The following PDE3B variants were observed in gnomAD, a reference collection of about 807,000 sequenced individuals.
The protein encoded by PDE3B is cGMP-inhibited 3',5'-cyclic phosphodiesterase 3B.
Under a neutral mutation model 116.8 loss-of-function variants are expected in PDE3B, and 66 were observed. The ratio of observed to expected loss-of-function variants is 0.56; its 90% CI spans 0.46 to 0.69. The LOEUF (loss-of-function observed/expected upper bound fraction) is 0.69. Ranked by LOEUF, PDE3B falls within the 30% of genes least tolerant of loss-of-function variation. The pLI is 0.00. For synonymous variants in PDE3B, 595 were observed against 533.6 expected (o/e 1.12, Z -1.59); for missense variants, 1,384 against 1,368.1 (o/e 1.01, Z -0.18).
intron 1 of PDE3B, among the ~76,000 whole-genome samples, chr11:14,713,578 T>C (rs1855770534): frequency 6.6e-6 from 1 of 152,208 alleles, no homozygotes; most frequent in South Asian, 2.1e-4. Flanking sequence ...TGGTTCTTAA[T>C]GCTTCAGACT....
chr11:14,875,742 GAATGA>G (rs781831509), downstream of PDE3B, among the ~76,000 whole-genome samples: 1 of 152,132 alleles, frequency 6.6e-6, no homozygotes, highest in Non-Finnish European at 1.5e-5. Context: ...AAGGAATATG[GAATGA>G]AATAAGGCAT....
intron 1 of PDE3B, chr11:14,674,344 T>C: frequency 2.4e-6 from 2 of 816,774 alleles, no homozygotes; most frequent in South Asian, 2.7e-5. Flanking sequence ...TTATTCTTTC[T>C]GCAAATTAGT....
At chr11:14,879,564 G>T in the PDE3B span, 1 of 691,758 alleles carries the variant, frequency 1.4e-6, no homozygotes, top group Non-Finnish European at 2.5e-6. Flanking sequence ...GATACATCCA[G>T]ATTCAGATTT....
chr11:14,726,889 A>G (rs930703814), intron 1 of PDE3B, among the ~76,000 whole-genome samples: 1 of 152,130 alleles, frequency 6.6e-6, no homozygotes, highest in African/African-American at 2.4e-5. Context: ...AAGAACAGAG[A>G]ATTGAATGAT....
At chr11:14,798,305 T>C (rs1858623822) in intron 4 of PDE3B, among the ~76,000 whole-genome samples, 1 of 152,168 alleles carries the variant, frequency 6.6e-6, no homozygotes, top group Non-Finnish European at 1.5e-5. Context: ...TGGGTAAGCT[T>C]TTTGATGTGC....
At chr11:14,759,081 C>T (rs1181178917) in intron 1 of PDE3B, among the ~76,000 whole-genome samples, 3 of 151,912 alleles carry the variant, frequency 2.0e-5, no homozygotes, top group East Asian at 1.9e-4. Context: ...TATTGATTTG[C>T]GTATATTGAA....
intron 3 of PDE3B, 69 bp from the exon 4 acceptor site, chr11:14,789,037 C>T: frequency 9.7e-7 from 1 of 1,036,122 alleles, no homozygotes; most frequent in South Asian, 1.7e-5. Flanking sequence ...TTTCATGTGC[C>T]ATCACTAATA....
chr11:14,666,354 G>T (rs559137019), intron 1 of PDE3B, among the ~76,000 whole-genome samples: 1 of 151,208 alleles, frequency 6.6e-6, no homozygotes, highest in African/African-American at 2.4e-5. Flanking sequence ...AGGCATTACC[G>T]TTCAGGACAT....
chr11:14,691,455 A>T (rs888044002), intron 1 of PDE3B, among the ~76,000 whole-genome samples: 2 of 152,212 alleles, frequency 1.3e-5, no homozygotes, highest in Admixed American at 6.5e-5. Context: ...CTAGTAAGTT[A>T]TGTAAACTAA....
rs755070440 is a variant in PDE3B at position 14,807,952 on chromosome 11, C to T, written c.1522+3902C>T. On this transcript the variant is annotated intron_variant, in intron 5 of 15. Coordinates refer to ENST00000282096, the MANE Select transcript of PDE3B (RefSeq NM_000922.4). ...GTGGGCGCCTGTAATCCCAGCTACT[C>T]GGGAGGTTGAGGCACGAGAATCGCT... 2.9e-4 allele frequency among the ~76,000 whole-genome samples: 44 copies of T among 151,216 alleles called. 1 individual carries two copies. Among genetic ancestry groups the T allele is most frequent in the South Asian group, 6.3e-4 (3 of 4,786 alleles).
intron 5 of PDE3B, among the ~76,000 whole-genome samples, chr11:14,811,908 G>A (rs945769478): frequency 1.3e-5 from 2 of 152,152 alleles, no homozygotes; most frequent in African/African-American, 4.8e-5. Flanking sequence ...AAGCAATTGT[G>A]AATGGGAGTT....
intron 1 of PDE3B, among the ~76,000 whole-genome samples, chr11:14,737,188 A>C (rs1191434391): frequency 2.2e-5 from 3 of 135,762 alleles, no homozygotes; most frequent in Admixed American, 1.6e-4. Context: ...AGAGACCAAC[A>C]GGCTGCCTTC....
chr11:14,891,136 G>C, the PDE3B span: 1 of 985,456 alleles, frequency 1.0e-6, no homozygotes, highest in Non-Finnish European at 1.2e-6. Context: ...GCCCCCTCCG[G>C]ACGTCGGGAC....
chr11:14,872,731 C>A (rs1156436667), downstream of PDE3B, among the ~76,000 whole-genome samples: 3 of 152,160 alleles, frequency 2.0e-5, no homozygotes, highest in Admixed American at 1.3e-4. Context: ...TATTCAATTC[C>A]CACAGTCAAC....
At chr11:14,782,646 C>T (rs960953207) in intron 2 of PDE3B, among the ~76,000 whole-genome samples, 3 of 152,172 alleles carry the variant, frequency 2.0e-5, no homozygotes, top group African/African-American at 7.2e-5. Context: ...AGACCTAAAA[C>T]CGTAAAAACC....
intron 1 of PDE3B, among the ~76,000 whole-genome samples, chr11:14,712,502 T>G (rs1590081051): frequency 9.2e-6 from 1 of 108,206 alleles, no homozygotes; most frequent in Non-Finnish European, 1.8e-5. Context: ...TGAGATGGAG[T>G]CTTGTCCTGT....
At position 14,818,392 on chromosome 11, in the gene PDE3B, A is replaced by C; in HGVS notation, c.1732A>C (p.Ser578Arg). 1 of 1,595,178 alleles carries C rather than the reference A, an allele frequency of 6.3e-7. No homozygotes were observed. Among genetic ancestry groups the C allele is most frequent in the Non-Finnish European group, 8.6e-7 (1 of 1,162,930 alleles). Residue 578 changes from serine (S) to arginine (R), a missense_variant and splice_region_variant, in exon 6 of 16, where the codon AGC (serine) becomes CGC (arginine). Coordinates refer to ENST00000282096, the MANE Select transcript of PDE3B (RefSeq NM_000922.4). ...AAATTCTGATAGCAATCTGTGTAAC[A>C]GGTAAGTTTCCCAACTGTTTATTAT... ...LRNSDSNLCNSCGHQMLKYVS... is the reference protein window; with the variant it reads ...LRNSDSNLCNRCGHQMLKYVS...
At chr11:14,829,421 C>T (rs1429971384) in intron 7 of PDE3B, among the ~76,000 whole-genome samples, 1 of 152,068 alleles carries the variant, frequency 6.6e-6, no homozygotes, top group African/African-American at 2.4e-5. Context: ...TGGGCTCTAT[C>T]TTATATGTCC....
intron 1 of PDE3B, among the ~76,000 whole-genome samples, chr11:14,765,313 A>T (rs528463351): frequency 1.3e-5 from 2 of 152,082 alleles, no homozygotes; most frequent in South Asian, 4.1e-4. Context: ...CTACATAGAG[A>T]ACAATGAAAT....
Sources: gnomAD v4.1 joint callset for allele counts (sites outside exome capture counted in the v4.1 genomes callset) on GRCh38, gnomAD v4.1.1 for gene constraint, MANE v1.5 for transcripts, NCBI Gene and HGNC (gene_info 2026-07-23, HGNC 2026-07-21) for gene names.